The following PTPRN2 variants were observed in gnomAD, a reference collection of about 807,000 sequenced individuals.
PTPRN2 encodes receptor-type tyrosine-protein phosphatase N2.
A neutral mutation model predicts 118.8 loss-of-function variants in PTPRN2; 74 were observed. The observed-to-expected ratio is 0.62, with a 90% confidence interval of 0.52 to 0.76. The LOEUF (loss-of-function observed/expected upper bound fraction) is 0.76, where lower values mean the gene tolerates loss of function less well. Among genes scored for constraint, PTPRN2 ranks in the 30% least tolerant of loss-of-function variants. The probability of loss-of-function intolerance (pLI) is 0.00; values close to 1 mark genes in which losing one functional copy is unlikely to be tolerated. For missense variants in PTPRN2, 1,481 were observed against 1,394.4 expected (o/e 1.06, Z -0.99); for synonymous variants, 641 against 608.0 (o/e 1.05, Z -0.80).
At chr7:158,303,422 GT>G (rs1801041784) in intron 3 of PTPRN2, among the ~76,000 whole-genome samples, 1 of 152,190 alleles carries the variant, frequency 6.6e-6, no homozygotes, top group Admixed American at 6.5e-5. Flanking sequence ...AATTCTGTAA[GT>G]TAAAACTACT....
chr7:157,939,201 T>A (rs80100617), intron 11 of PTPRN2, among the ~76,000 whole-genome samples: 20,873 of 152,024 alleles, frequency 0.14, 1,438 homozygotes, highest in Middle Eastern at 0.19. Context: ...TCAGATAAAG[T>A]TAAGTAAAGC....
At chr7:157,970,645 C>CT (rs1554503332) in intron 11 of PTPRN2, among the ~76,000 whole-genome samples, 1 of 150,770 alleles carries the variant, frequency 6.6e-6, no homozygotes, top group Non-Finnish European at 1.5e-5. Flanking sequence ...GACCCCCCCC[C>CT]CCACAGGTTG....
At chr7:157,958,517 G>A (rs1221073675) in intron 11 of PTPRN2, among the ~76,000 whole-genome samples, 1 of 152,202 alleles carries the variant, frequency 6.6e-6, no homozygotes, top group Non-Finnish European at 1.5e-5. Context: ...TTTTACACAA[G>A]AGATCTGTTA....
At chr7:157,700,883 G>A (rs1028889253) in intron 12 of PTPRN2, among the ~76,000 whole-genome samples, 5 of 152,282 alleles carry the variant, frequency 3.3e-5, no homozygotes, top group South Asian at 2.1e-4. Flanking sequence ...CGGTGGGCTC[G>A]GGGCCTTTCA....
Position 158,205,182 on chromosome 7 carries a change from G to T in PTPRN2, c.369C>A (p.Ser123=), listed in dbSNP as rs1827025366. ...PKTYLRRPEA[S]SPARPSKHSV... is the part of the protein sequence containing the mutation. ...ACGTCCACACTTACCTGGCTGGGCT[G>T]GATGCTTCAGGACGCCTCAGGTAGG... Residue 123 remains serine, a synonymous_variant, in exon 4 of 23, where the codon TCC becomes TCA. Transcript: ENST00000389418. 6.2e-7 allele frequency: 1 copy of T among 1,613,686 alleles called. No individual in the cohort carries two copies. The highest frequency in any genetic ancestry group is 8.5e-7 in the Non-Finnish European group (1 of 1,179,566).
In PTPRN2 at chr7:157,779,438, C is replaced by T. The variant is rs557979330; in HGVS notation, c.1789-96501G>A. Among the ~76,000 whole-genome samples the T allele has an allele frequency of 1.3e-5, 2 of 152,288 alleles. No individual in the cohort carries two copies. The highest frequency in any genetic ancestry group is 2.4e-5 in the African/African-American group (1 of 41,566). ...CAGGCTGCCAGAATGACCGCCCACC[C>T]GCTGCCCCTCACCACACACTGCTGC... is the stretch of plus-strand genomic sequence containing the variant. On this transcript the variant is annotated intron_variant, in intron 12 of 22. Coordinates refer to ENST00000389418, the MANE Select transcript of PTPRN2 (RefSeq NM_002847.5). The surrounding 1 kb of genome is among the most constrained non-coding windows in gnomAD (Gnocchi z 4.7).
At chr7:158,239,112 G>A (rs1344861663) in intron 3 of PTPRN2, among the ~76,000 whole-genome samples, 7 of 152,172 alleles carry the variant, frequency 4.6e-5, no homozygotes, top group East Asian at 3.9e-4. Context: ...CGGGGTGGGG[G>A]CCACCACCAT....
chr7:158,134,441 C>G (rs932666748), intron 8 of PTPRN2, among the ~76,000 whole-genome samples: 3 of 151,878 alleles, frequency 2.0e-5, no homozygotes, highest in African/African-American at 7.3e-5. Context: ...GCAATGAACA[C>G]TAAATAATAA....
intron 11 of PTPRN2, among the ~76,000 whole-genome samples, chr7:157,945,961 G>T (rs933521430): frequency 6.6e-6 from 1 of 152,076 alleles, no homozygotes; most frequent in African/African-American, 2.4e-5. Flanking sequence ...CCCAGTCCAG[G>T]TTCTGGAAGA....
chr7:157,645,437 T>G (rs1796271), intron 14 of PTPRN2, among the ~76,000 whole-genome samples: 129,788 of 152,166 alleles, frequency 0.85, 55,754 homozygotes, highest in Admixed American at 0.91. Context: ...CAAAGATTAT[T>G]GCAGGGAATG....
intron 2 of PTPRN2, among the ~76,000 whole-genome samples, chr7:158,334,261 T>C (rs868651632): frequency 1.6e-4 from 1 of 6,176 alleles, no homozygotes; most frequent in East Asian, 5.5e-3. Flanking sequence ...AGCTGACACA[T>C]GCAGACGTCA....
At chr7:158,454,977 T>C (rs1586713765) in intron 2 of PTPRN2, among the ~76,000 whole-genome samples, 1 of 152,140 alleles carries the variant, frequency 6.6e-6, no homozygotes, top group Admixed American at 6.5e-5. Flanking sequence ...CCCACAGGCA[T>C]GGAGCAAACA....
At chr7:157,852,845 G>T (rs1040898341) in intron 12 of PTPRN2, among the ~76,000 whole-genome samples, 8 of 127,100 alleles carry the variant, frequency 6.3e-5, no homozygotes, top group African/African-American at 2.2e-4. Context: ...CTCCAGCTCG[G>T]CAACACAGCA....
Position 158,314,071 on chromosome 7 carries a change from C to T in PTPRN2, c.277+2748G>A, listed in dbSNP as rs564144402. On this transcript the variant is annotated intron_variant, in intron 3 of 22. Transcript: ENST00000389418. ...AAGGGAGCTCAGGTGAACTCCGGCA[C>T]CCTGCCCCCGCCACATCTCAGCACA... Among the ~76,000 whole-genome samples the T allele has an allele frequency of 1.7e-4, 26 of 152,246 alleles. 1 individual carries two copies. In the South Asian group the frequency reaches 3.7e-3, roughly 22 times the overall value.
At chr7:158,023,939 C>T (rs372374338) in intron 11 of PTPRN2, among the ~76,000 whole-genome samples, 1 of 151,642 alleles carries the variant, frequency 6.6e-6, no homozygotes, top group Non-Finnish European at 1.5e-5. Context: ...CACACACATG[C>T]AGACACACAT....
At chr7:157,638,291 A>G (rs1804444282) in intron 14 of PTPRN2, among the ~76,000 whole-genome samples, 1 of 152,100 alleles carries the variant, frequency 6.6e-6, no homozygotes, top group Admixed American at 6.6e-5. Context: ...CTCACAAGGA[A>G]CGGAGCTTGG....
intron 3 of PTPRN2, among the ~76,000 whole-genome samples, chr7:158,249,943 G>A (rs1796553478): frequency 6.6e-6 from 1 of 152,144 alleles, no homozygotes; most frequent in Non-Finnish European, 1.5e-5. Context: ...TGTAATGCAA[G>A]TGAGAGAACA....
chr7:158,118,699 T>C (rs191444846), intron 9 of PTPRN2, among the ~76,000 whole-genome samples: 1 of 152,256 alleles, frequency 6.6e-6, no homozygotes, highest in East Asian at 1.9e-4. Context: ...AACATGACAG[T>C]CTTTGTTTTC....
At chr7:158,444,921 A>G (rs1817619005) in intron 2 of PTPRN2, among the ~76,000 whole-genome samples, 1 of 152,142 alleles carries the variant, frequency 6.6e-6, no homozygotes, top group Non-Finnish European at 1.5e-5. Context: ...CTCCCCCTGC[A>G]TCCTCTTGAA....
Sources: allele counts gnomAD v4.1 joint callset (sites outside exome capture counted in the v4.1 genomes callset), GRCh38; gene constraint gnomAD v4.1.1; non-coding constraint Gnocchi (gnomAD v3.1); transcripts MANE v1.5; gene names NCBI Gene and HGNC (gene_info 2026-07-23, HGNC 2026-07-21).